KCNN3: variants seen among roughly 807,000 people sequenced by gnomAD.
KCNN3 encodes small conductance calcium-activated potassium channel protein 3.
A neutral mutation model predicts 62.9 loss-of-function variants in KCNN3; 16 were observed. That is an observed-to-expected ratio of 0.25 (90% CI 0.17 to 0.39). The LOEUF (loss-of-function observed/expected upper bound fraction) is 0.39, where lower values mean the gene tolerates loss of function less well. KCNN3 is among the 10% of genes least tolerant of loss of function. The probability of loss-of-function intolerance (pLI) is 1.00; values close to 1 mark genes in which losing one functional copy is unlikely to be tolerated. For missense variants in KCNN3, 599 were observed against 949.4 expected (o/e 0.63, Z 4.85); for synonymous variants, 370 against 389.2 (o/e 0.95, Z 0.58).
At chr1:154,729,445 C>G (rs1700544672) in intron 4 of KCNN3, among the ~76,000 whole-genome samples, 1 of 152,084 alleles carries the variant, frequency 6.6e-6, no homozygotes, top group Non-Finnish European at 1.5e-5. Context: ...GTGAACACGC[C>G]TAACTCTAGA....
At chr1:154,791,702 G>A (rs1571280362) in intron 2 of KCNN3, among the ~76,000 whole-genome samples, 2 of 152,310 alleles carry the variant, frequency 1.3e-5, no homozygotes. Context: ...CAACTTGAGA[G>A]TGACTCTGTG....
intron 2 of KCNN3, among the ~76,000 whole-genome samples, chr1:154,813,188 G>T (rs1340985723): frequency 6.6e-6 from 1 of 151,664 alleles, no homozygotes; most frequent in East Asian, 1.9e-4. Flanking sequence ...AGCCCCTTGG[G>T]CAGGGCAGTT....
intron 5 of KCNN3, 144 bp from the exon 6 acceptor site, chr1:154,715,147 G>T: frequency 9.5e-7 from 1 of 1,055,984 alleles, no homozygotes; most frequent in Non-Finnish European, 1.4e-6. Context: ...TCCTAGAAAA[G>T]ATGATTAAGG....
chr1:154,715,782 C>T (rs1411663641), intron 5 of KCNN3, among the ~76,000 whole-genome samples: 2 of 152,150 alleles, frequency 1.3e-5, no homozygotes, highest in Non-Finnish European at 2.9e-5. Flanking sequence ...CGAGCTTTGC[C>T]TGAGATTGCC....
chr1:154,784,669 G>A (rs1452838799), intron 2 of KCNN3, among the ~76,000 whole-genome samples: 2 of 152,208 alleles, frequency 1.3e-5, no homozygotes, highest in Admixed American at 6.5e-5. Flanking sequence ...GCTAGCCCCC[G>A]TTTCAGGGGG....
At position 154,714,540 on chromosome 1, in the gene KCNN3, TGGG is replaced by T. The variant is rs771342189; in HGVS notation, c.1829+333_1829+335del. On this transcript the variant is annotated intron_variant, in intron 6 of 7. Transcript: ENST00000271915. ...GTGTGGTGTTTGTGTGTGGTGTGTG[TGGG>T]GTGTGTGTGTGTGGTGTGTGTGTGG... Among the ~76,000 whole-genome samples the T allele has an allele frequency of 3.5e-4, 16 of 45,872 alleles. 1 individual carries two copies. Among genetic ancestry groups the T allele is most frequent in the African/African-American group, 1.1e-3 (16 of 14,178 alleles). 30.1% of individuals were successfully genotyped at this position (45,872 alleles called of 152,430 possible).
At chr1:154,711,969 A>G (rs1276372046) in intron 7 of KCNN3, among the ~76,000 whole-genome samples, 2 of 151,402 alleles carry the variant, frequency 1.3e-5, no homozygotes, top group African/African-American at 4.9e-5. Context: ...AGGGAGAGGA[A>G]GAGAGAGACA....
intron 3 of KCNN3, among the ~76,000 whole-genome samples, chr1:154,756,973 T>C (rs191173975): frequency 1.3e-5 from 2 of 152,272 alleles, no homozygotes; most frequent in African/African-American, 4.8e-5. Context: ...GCACTGCAGC[T>C]CAGAGAGAGG....
chr1:154,807,256 A>C (rs1029507349), intron 2 of KCNN3, among the ~76,000 whole-genome samples: 1 of 152,158 alleles, frequency 6.6e-6, no homozygotes, highest in African/African-American at 2.4e-5. Flanking sequence ...AGAGGAACTG[A>C]GAAGAGGAAA....
In KCNN3 at chr1:154,856,964, C is replaced by T. The variant is rs149480681; in HGVS notation, c.933+12068G>A. Reference sequence around the variant, plus strand: ...AAGGGGAGCAGACGGAGGCGTGGGACACCAAGTCTCAGGCTTGTGGGTCAA... The same window carrying T: ...AAGGGGAGCAGACGGAGGCGTGGGATACCAAGTCTCAGGCTTGTGGGTCAA... On this transcript the variant is annotated intron_variant, in intron 1 of 7. Transcript: ENST00000271915. 1.8e-4 allele frequency among the ~76,000 whole-genome samples: 28 copies of T among 152,258 alleles called. No individual in the cohort carries two copies. In the East Asian group the frequency reaches 5.2e-3, roughly 28 times the overall value.
chr1:154,790,621 A>G (rs1649473805), intron 2 of KCNN3, among the ~76,000 whole-genome samples: 1 of 152,248 alleles, frequency 6.6e-6, no homozygotes, highest in African/African-American at 2.4e-5. Context: ...ACAAGAGAAT[A>G]TCATGCCGCA....
chr1:154,758,286 C>T (rs115597057), intron 3 of KCNN3, among the ~76,000 whole-genome samples: 2,843 of 152,298 alleles, frequency 0.019, 85 homozygotes, highest in African/African-American at 0.066. Context: ...CGAGTTTTTC[C>T]ACCCTGAGTT....
chr1:154,816,691 C>T (rs1239738958), intron 2 of KCNN3, among the ~76,000 whole-genome samples: 2 of 152,200 alleles, frequency 1.3e-5, no homozygotes, highest in South Asian at 2.1e-4. Context: ...GGCATCAACA[C>T]CCCTCACCTG....
chr1:154,803,876 A>T (rs1650054488), intron 2 of KCNN3, among the ~76,000 whole-genome samples: 1 of 152,018 alleles, frequency 6.6e-6, no homozygotes. Flanking sequence ...CCAAGGATTC[A>T]CCCCTCCCTC....
intron 3 of KCNN3, among the ~76,000 whole-genome samples, chr1:154,755,617 G>C (rs1238017144): frequency 8.3e-6 from 1 of 120,800 alleles, no homozygotes; most frequent in Non-Finnish European, 1.8e-5. Context: ...GAGGGAGGGA[G>C]GGAAGGAAGG....
intron 3 of KCNN3, among the ~76,000 whole-genome samples, chr1:154,769,736 T>C (rs1037050444): frequency 2.0e-5 from 3 of 152,208 alleles, no homozygotes; most frequent in Non-Finnish European, 4.4e-5. Context: ...ATTCAATTAC[T>C]ATGTTAATAG....
chr1:154,828,883 T>C (rs1271704393), intron 1 of KCNN3, among the ~76,000 whole-genome samples: 2 of 152,358 alleles, frequency 1.3e-5, no homozygotes, highest in Admixed American at 6.5e-5. Context: ...CCCTGAGGCA[T>C]TTCAGAAAGA....
chr1:154,847,008 A>G (rs1652090820), intron 1 of KCNN3, among the ~76,000 whole-genome samples: 1 of 152,126 alleles, frequency 6.6e-6, no homozygotes, highest in Non-Finnish European at 1.5e-5. Flanking sequence ...CGGCAGAGCC[A>G]GGAGTTGAGC....
chr1:154,840,137 A>T (rs1162475344), intron 1 of KCNN3, among the ~76,000 whole-genome samples: 1 of 152,164 alleles, frequency 6.6e-6, no homozygotes, highest in African/African-American at 2.4e-5. Flanking sequence ...AAATTTGTAG[A>T]GATGCTCTAA....
Sources: gnomAD v4.1 joint callset for allele counts (sites outside exome capture counted in the v4.1 genomes callset) on GRCh38, gnomAD v4.1.1 for gene constraint, MANE v1.5 for transcripts, NCBI Gene and HGNC (gene_info 2026-07-23, HGNC 2026-07-21) for gene names.